The following GXYLT2 variants were observed in gnomAD, a reference collection of about 807,000 sequenced individuals.
GXYLT2 encodes glucoside xylosyltransferase 2, also known as glycosyltransferase 8 domain containing 4.
GXYLT2 carries 53 observed loss-of-function variants against 45.8 expected under a neutral mutation model. The ratio of observed to expected loss-of-function variants is 1.16; its 90% CI spans 0.93 to 1.46. The LOEUF (loss-of-function observed/expected upper bound fraction) is 1.46, where lower values mean the gene tolerates loss of function less well. Among genes scored for constraint, GXYLT2 ranks in the 40% most tolerant of loss-of-function variants. GXYLT2 has a pLI of 0.00. For synonymous variants in GXYLT2, 219 were observed against 214.2 expected (o/e 1.02, Z -0.19); for missense variants, 551 against 544.4 (o/e 1.01, Z -0.12).
intron 2 of GXYLT2, among the ~76,000 whole-genome samples, chr3:72,917,369 G>A (rs1709761531): frequency 6.6e-6 from 1 of 152,122 alleles, no homozygotes; most frequent in Non-Finnish European, 1.5e-5. Context: ...CATACTGAGA[G>A]TTTATGCCTA....
intron 3 of GXYLT2, among the ~76,000 whole-genome samples, chr3:72,927,833 T>C (rs745744768): frequency 2.6e-4 from 39 of 152,214 alleles, no homozygotes; most frequent in Non-Finnish European, 3.8e-4. Flanking sequence ...ACAGTACTTA[T>C]CATTTACTCA....
chr3:72,926,286 G>A (rs1189041251), intron 3 of GXYLT2, among the ~76,000 whole-genome samples: 1 of 152,180 alleles, frequency 6.6e-6, no homozygotes, highest in African/African-American at 2.4e-5. Flanking sequence ...GGTACAATTA[G>A]TGTGATTCAG....
At chr3:72,966,238 C>G (rs1374369361) in intron 5 of GXYLT2, among the ~76,000 whole-genome samples, 1 of 151,648 alleles carries the variant, frequency 6.6e-6, no homozygotes, top group African/African-American at 2.4e-5. Context: ...CTCAGCCTTC[C>G]AAAGTGCTGG....
chr3:72,967,443 A>G, intron 5 of GXYLT2, 104 bp from the exon 6 acceptor site: 1 of 860,548 alleles, frequency 1.2e-6, no homozygotes. Flanking sequence ...GTACTTTGAA[A>G]TTACATGCTG....
chr3:72,903,249 A>G (rs13063441), intron 1 of GXYLT2, among the ~76,000 whole-genome samples: 47,059 of 152,080 alleles, frequency 0.31, 7,653 homozygotes, highest in Non-Finnish European at 0.34. Context: ...GACCATTTCC[A>G]CTTACATAAT....
rs370631199 is a variant in GXYLT2 at position 72,974,941 on chromosome 3, C to T, written c.1150-36C>T. 53 of 1,447,260 alleles carry T rather than the reference C, an allele frequency of 3.7e-5. No homozygotes were observed. In the East Asian group the frequency reaches 5.2e-4, roughly 14 times the overall value. 89.7% of individuals were successfully genotyped at this position (1,447,260 alleles called of 1,614,324 possible). A position where few individuals can be genotyped will look rare whatever the true frequency, so the allele number is the denominator to read the frequency against. On this transcript the variant is annotated intron_variant, in intron 6 of 6. Transcript: ENST00000389617. Reference sequence around the variant, plus strand: ...TGATCTGCATTTAAAATGGCATTTCCGTTACTAAATAAACTTTTTTTTTGT... The same window carrying T: ...TGATCTGCATTTAAAATGGCATTTCTGTTACTAAATAAACTTTTTTTTTGT...
chr3:72,894,106 A>G (rs1381293009), intron 1 of GXYLT2, among the ~76,000 whole-genome samples: 1 of 152,352 alleles, frequency 6.6e-6, no homozygotes. Flanking sequence ...AAGGAAATAA[A>G]TAGCCCCAGC....
intron 5 of GXYLT2, among the ~76,000 whole-genome samples, 177 bp from the exon 6 acceptor site, chr3:72,967,370 C>G (rs1389597928): frequency 6.6e-6 from 1 of 152,110 alleles, no homozygotes; most frequent in Non-Finnish European, 1.5e-5. Context: ...CCCTTCAATT[C>G]TTGATCTCAG....
At chr3:72,917,685 G>A (rs1015156185) in intron 2 of GXYLT2, among the ~76,000 whole-genome samples, 2 of 150,026 alleles carry the variant, frequency 1.3e-5, no homozygotes, top group African/African-American at 4.9e-5. Context: ...TGAGCCCAGA[G>A]AGATCAAGGC....
intron 3 of GXYLT2, among the ~76,000 whole-genome samples, chr3:72,941,647 G>A (rs1356252859): frequency 3.3e-5 from 5 of 151,914 alleles, no homozygotes; most frequent in East Asian, 3.9e-4. Context: ...TTTCTCACAG[G>A]CAGACACACA....
chr3:72,925,156 CTTTCTTTTTTT>C (rs964281584), intron 3 of GXYLT2, among the ~76,000 whole-genome samples: 6 of 148,566 alleles, frequency 4.0e-5, no homozygotes, highest in African/African-American at 1.5e-4. Context: ...TTTTCTTTTT[CTTTCTTTTTTT>C]TTTTTTTGAG....
chr3:72,965,076 A>G (rs1427579995), intron 5 of GXYLT2, among the ~76,000 whole-genome samples: 1 of 152,246 alleles, frequency 6.6e-6, no homozygotes, highest in Admixed American at 6.5e-5. Context: ...CCACTACTCC[A>G]TCCCACTTAG....
chr3:72,921,554 G>A (rs1389078257), intron 2 of GXYLT2, among the ~76,000 whole-genome samples: 1 of 151,958 alleles, frequency 6.6e-6, no homozygotes, highest in Non-Finnish European at 1.5e-5. Flanking sequence ...TCAGCCTCCC[G>A]AGTAGCTGGG....
At position 72,908,463 on chromosome 3, in the gene GXYLT2, G is replaced by A. The variant is rs369835040; in HGVS notation, c.372G>A (p.Thr124=). The A allele has an allele frequency of 1.0e-4, 164 of 1,613,796 alleles. No homozygotes were observed. The highest frequency in any genetic ancestry group is 1.2e-4 in the Non-Finnish European group (140 of 1,179,844). The change falls in exon 2 of 7, where the codon ACG becomes ACA. Residue 124 remains threonine (T), a synonymous_variant. Coordinates refer to ENST00000389617, the MANE Select transcript of GXYLT2 (RefSeq NM_001080393.2). ...CCTGTGGCAATCGGCTGGAGGAGAC[G>A]CTGGTCATGCTCAAATCAGCTGTGC... is the stretch of plus-strand genomic sequence containing the variant. ...VVACGNRLEE[T]LVMLKSAVLF... is the part of the protein sequence containing the mutation.
At chr3:72,916,768 T>C (rs1210056929) in intron 2 of GXYLT2, among the ~76,000 whole-genome samples, 1 of 151,744 alleles carries the variant, frequency 6.6e-6, no homozygotes, top group Non-Finnish European at 1.5e-5. Context: ...CCCGAACTCC[T>C]GACCTCGGCC....
intron 2 of GXYLT2, among the ~76,000 whole-genome samples, chr3:72,914,581 G>A (rs779291775): frequency 4.3e-4 from 66 of 152,202 alleles, no homozygotes; most frequent in Non-Finnish European, 6.9e-4. Context: ...GTATATGCGC[G>A]TATGTGTGCC....
intron 2 of GXYLT2, among the ~76,000 whole-genome samples, chr3:72,912,011 A>ATTT (rs1235800748): frequency 0.013 from 1,443 of 115,402 alleles, 29 homozygotes; most frequent in African/African-American, 0.052. Flanking sequence ...ATATATATAT[A>ATTT]TATTTTTTTT....
Position 72,942,320 on chromosome 3 carries a change from C to T in GXYLT2, c.601-12778C>T, listed in dbSNP as rs551669805. On this transcript the variant is annotated intron_variant, in intron 3 of 6. Coordinates refer to ENST00000389617, the MANE Select transcript of GXYLT2 (RefSeq NM_001080393.2). ...AATAAATAAATGGAGAAAAATCACACCTCTTCCTTATAGAAAATTCCAGTT... is the reference window on the plus strand; with the variant it reads ...AATAAATAAATGGAGAAAAATCACATCTCTTCCTTATAGAAAATTCCAGTT... Among the ~76,000 whole-genome samples the T allele has an allele frequency of 3.6e-4, 55 of 152,000 alleles. No individual in the cohort carries two copies. In the South Asian group the frequency reaches 9.5e-3, roughly 26 times the overall value.
chr3:72,899,785 T>G (rs1709366997), intron 1 of GXYLT2, among the ~76,000 whole-genome samples: 2 of 152,192 alleles, frequency 1.3e-5, no homozygotes, highest in South Asian at 4.1e-4. Context: ...CGGTTTCATC[T>G]TGCAAAATAC....
Sources: gnomAD v4.1 joint callset for allele counts (sites outside exome capture counted in the v4.1 genomes callset) on GRCh38, gnomAD v4.1.1 for gene constraint, MANE v1.5 for transcripts, NCBI Gene and HGNC (gene_info 2026-07-23, HGNC 2026-07-21) for gene names.